ARHGAP6: variants seen among roughly 807,000 people sequenced by gnomAD.
ARHGAP6 encodes rho GTPase-activating protein 6.
ARHGAP6 carries 16 observed loss-of-function variants against 55.7 expected under a neutral mutation model. The ratio of observed to expected loss-of-function variants is 0.29; its 90% CI spans 0.19 to 0.44. The LOEUF (loss-of-function observed/expected upper bound fraction) is 0.44, where lower values mean the gene tolerates loss of function less well. ARHGAP6 is among the 20% of genes least tolerant of loss of function. The probability of loss-of-function intolerance (pLI) is 1.00; values close to 1 mark genes in which losing one functional copy is unlikely to be tolerated. For synonymous variants in ARHGAP6, 382 were observed against 360.9 expected (o/e 1.06, Z -0.66); for missense variants, 698 against 808.9 (o/e 0.86, Z 1.66).
chrX:11,515,172 C>T (rs1267064045), intron 1 of ARHGAP6, among the ~76,000 whole-genome samples: 1 of 111,934 alleles, frequency 8.9e-6, no homozygotes, highest in Non-Finnish European at 1.9e-5. Context: ...GATAGATTGT[C>T]TTACATTGCT....
At chrX:11,391,325 G>A (rs990895796) in intron 1 of ARHGAP6, among the ~76,000 whole-genome samples, 5 of 111,083 alleles carry the variant, frequency 4.5e-5, no homozygotes, top group Non-Finnish European at 9.4e-5. Flanking sequence ...GGGGTGGGCA[G>A]AGGAGGGAGG....
At chrX:11,395,113 C>G (rs1235215129) in intron 1 of ARHGAP6, among the ~76,000 whole-genome samples, 1 of 111,602 alleles carries the variant, frequency 9.0e-6, no homozygotes. Context: ...AACAGAAGTC[C>G]TCTAACTCTC....
chrX:11,425,195 G>A (rs908006545), intron 1 of ARHGAP6, among the ~76,000 whole-genome samples: 6 of 111,646 alleles, frequency 5.4e-5, no homozygotes, highest in African/African-American at 1.3e-4. Context: ...GAGGTATTAA[G>A]GACACATGGA....
chrX:11,383,356 T>C lies in ARHGAP6; in HGVS notation c.589-128649A>G, dbSNP rs192804607. Among the ~76,000 whole-genome samples, 607 of 111,496 alleles carry C rather than the reference T, an allele frequency of 5.4e-3. 1 individual carries two copies. The highest frequency in any genetic ancestry group is 7.8e-3 in the Non-Finnish European group (414 of 53,099). On this transcript the variant is annotated intron_variant, in intron 1 of 12. Transcript: ENST00000337414. ...TTTGATAGTAAGAGTTTGCCTAATATCTTCTCAGAGTGAATTCTAAAATTA... is the reference window on the plus strand; with the variant it reads ...TTTGATAGTAAGAGTTTGCCTAATACCTTCTCAGAGTGAATTCTAAAATTA...
At chrX:11,331,682 A>C (rs2048564864) in intron 1 of ARHGAP6, among the ~76,000 whole-genome samples, 1 of 111,980 alleles carries the variant, frequency 8.9e-6, no homozygotes. Flanking sequence ...GCATTTAGTC[A>C]GGCCCACTAA....
chrX:11,520,365 A>G (rs1487207581), intron 1 of ARHGAP6, among the ~76,000 whole-genome samples: 1 of 102,581 alleles, frequency 9.7e-6, no homozygotes, highest in African/African-American at 3.6e-5. Flanking sequence ...CCTGTGTCCA[A>G]GTGTTCTCAT....
At chrX:11,296,820 C>G (rs745846151) in intron 1 of ARHGAP6, 1 of 1,208,866 alleles carries the variant, frequency 8.3e-7, no homozygotes, top group East Asian at 3.0e-5. Flanking sequence ...TCAACTTCAG[C>G]TATGAGGTAA....
At chrX:11,629,576 T>C (rs1198528443) in intron 1 of ARHGAP6, among the ~76,000 whole-genome samples, 3 of 110,511 alleles carry the variant, frequency 2.7e-5, no homozygotes, top group Non-Finnish European at 5.7e-5. Context: ...CAATAGGACA[T>C]TGAATCCTTA....
intron 1 of ARHGAP6, among the ~76,000 whole-genome samples, chrX:11,450,155 C>T (rs1212969902): frequency 1.8e-5 from 2 of 108,738 alleles, no homozygotes; most frequent in Admixed American, 2.0e-4. Flanking sequence ...TTGCATAGAG[C>T]GTGATAAGTG....
intron 1 of ARHGAP6, among the ~76,000 whole-genome samples, chrX:11,472,344 T>C (rs1187758017): frequency 9.0e-6 from 1 of 111,681 alleles, no homozygotes; most frequent in African/African-American, 3.3e-5. Flanking sequence ...TTTCACATAG[T>C]GGTAAGCAAT....
chrX:11,575,270 C>T lies in ARHGAP6; in HGVS notation c.588+88971G>A, dbSNP rs941833105. On this transcript the variant is annotated intron_variant, in intron 1 of 12. Transcript: ENST00000337414. ...AGAAGAAGCCTGAGTCCTTGAATCC[C>T]CACATGGTAGCCTGCCCTCCAAATG... Among the ~76,000 whole-genome samples the T allele has an allele frequency of 5.4e-5, 6 of 111,907 alleles. No individual in the cohort carries two copies. In the East Asian group the frequency reaches 1.7e-3, roughly 31 times the overall value.
At chrX:11,427,153 G>A (rs753637742) in intron 1 of ARHGAP6, among the ~76,000 whole-genome samples, 1 of 111,167 alleles carries the variant, frequency 9.0e-6, no homozygotes, top group South Asian at 4.0e-4. Context: ...ATCATGAAGC[G>A]GCCCTGCCTC....
intron 1 of ARHGAP6, 45 bp from the exon 2 acceptor site, chrX:11,254,752 A>G (rs765950001): frequency 2.8e-6 from 3 of 1,080,132 alleles, no homozygotes; most frequent in South Asian, 5.7e-5. Context: ...AGAGTTACAG[A>G]GTTCACTTAC....
chrX:11,354,366 C>G (rs2048908405), intron 1 of ARHGAP6, among the ~76,000 whole-genome samples: 1 of 76,172 alleles, frequency 1.3e-5, no homozygotes, highest in Non-Finnish European at 2.4e-5. Flanking sequence ...TGTTCATCAG[C>G]ATCATCATAA....
At chrX:11,167,034 G>A (rs1302395621) in intron 9 of ARHGAP6, among the ~76,000 whole-genome samples, 1 of 111,718 alleles carries the variant, frequency 9.0e-6, no homozygotes, top group African/African-American at 3.3e-5. Context: ...ATTTCTCCAT[G>A]CCCAAATCTT....
intron 1 of ARHGAP6, among the ~76,000 whole-genome samples, chrX:11,474,728 G>A (rs1041383562): frequency 9.0e-6 from 1 of 111,511 alleles, no homozygotes; most frequent in African/African-American, 3.3e-5. Context: ...GTGTGGTGGT[G>A]TTGGGAGGTG....
intron 1 of ARHGAP6, among the ~76,000 whole-genome samples, chrX:11,393,394 A>G (rs944158703): frequency 1.8e-5 from 2 of 111,715 alleles, no homozygotes; most frequent in Non-Finnish European, 3.8e-5. Context: ...TGTTGAGTGT[A>G]GTAAAGGCCA....
chrX:11,222,539 A>G (rs1376356786), intron 2 of ARHGAP6, among the ~76,000 whole-genome samples: 3 of 112,292 alleles, frequency 2.7e-5, no homozygotes, highest in Non-Finnish European at 3.8e-5. Context: ...GCAGTAATAC[A>G]GTTTTCAGAA....
intron 1 of ARHGAP6, chrX:11,427,603 C>T (rs1415040152): frequency 1.1e-6 from 1 of 890,241 alleles, no homozygotes; most frequent in East Asian, 1.1e-4. Flanking sequence ...CATGTCGCCT[C>T]CGGGAGGAGT....
Sources: allele counts gnomAD v4.1 joint callset (sites outside exome capture counted in the v4.1 genomes callset), GRCh38; gene constraint gnomAD v4.1.1; transcripts MANE v1.5; gene names NCBI Gene and HGNC (gene_info 2026-07-23, HGNC 2026-07-21).